PCCB: variants seen among roughly 807,000 people sequenced by gnomAD.
The protein encoded by PCCB is propionyl-CoA carboxylase beta chain, mitochondrial.
In PCCB, 43 loss-of-function variants were observed where a neutral mutation model predicts 60.7. The ratio of observed to expected loss-of-function variants is 0.71; its 90% CI spans 0.55 to 0.91. The LOEUF (loss-of-function observed/expected upper bound fraction) is 0.91. Among genes scored for constraint, PCCB ranks in the 40% least tolerant of loss-of-function variants. PCCB has a pLI of 0.00. For synonymous variants in PCCB, 276 were observed against 255.9 expected (o/e 1.08, Z -0.75); for missense variants, 766 against 702.8 (o/e 1.09, Z -1.02).
rs755896737 is a variant in PCCB at position 136,261,774 on chromosome 3, T to C, written c.430-178T>C. ...GGCTTTAATCAGCCTATTAAATATC[T>C]GGTCCTTTGTCTTCCATGAAGGTAC... On this transcript the variant is annotated intron_variant, in intron 4 of 14. Transcript: ENST00000251654. Among the ~76,000 whole-genome samples the C allele has an allele frequency of 7.2e-5, 11 of 152,344 alleles. No individual in the cohort carries two copies. In the South Asian group the frequency reaches 1.9e-3, roughly 26 times the overall value.
In PCCB at chr3:136,250,410, C is replaced by A. The variant is rs1257439275; in HGVS notation, c.35C>A (p.Ala12Glu). ...AAALRVAAVG[A>E]RLSVLASGLR... ...GCATTACGGGTGGCGGCGGTCGGGGCAAGGCTCAGCGTTCTGGCGAGCGGT... is the reference window on the plus strand; with the variant it reads ...GCATTACGGGTGGCGGCGGTCGGGGAAAGGCTCAGCGTTCTGGCGAGCGGT... The change falls in exon 1 of 15, where the codon GCA (alanine) becomes GAA (glutamate). Residue 12 changes from alanine to glutamate, a missense_variant. Transcript: ENST00000251654. 1.9e-6 allele frequency: 3 copies of A among 1,574,238 alleles called. No homozygotes were observed. The highest frequency in any genetic ancestry group is 2.6e-6 in the Non-Finnish European group (3 of 1,159,572).
At chr3:136,323,096 T>C (rs1935166945) in intron 10 of PCCB, among the ~76,000 whole-genome samples, 2 of 151,934 alleles carry the variant, frequency 1.3e-5, no homozygotes, top group South Asian at 4.2e-4. Context: ...TGTATTCTTC[T>C]TAGAGTTAGT....
intron 1 of PCCB, among the ~76,000 whole-genome samples, chr3:136,250,965 T>C (rs1178847576): frequency 1.3e-5 from 2 of 151,422 alleles, no homozygotes; most frequent in East Asian, 3.9e-4. Context: ...CATGAAAGAG[T>C]GATGGTAGGT....
At chr3:136,324,841 C>G (rs1009499697) in intron 10 of PCCB, among the ~76,000 whole-genome samples, 28 of 152,158 alleles carry the variant, frequency 1.8e-4, no homozygotes, top group Non-Finnish European at 2.5e-4. Context: ...TCCTCCAGAA[C>G]CAGGGAGGAA....
intron 1 of PCCB, among the ~76,000 whole-genome samples, chr3:136,253,094 T>TG (rs1284876378): frequency 3.5e-5 from 5 of 141,150 alleles, no homozygotes; most frequent in African/African-American, 5.3e-5. Context: ...TTTTTTTTTT[T>TG]TTTTTTTTTT....
intron 9 of PCCB, among the ~76,000 whole-genome samples, chr3:136,312,586 C>T (rs1462153155): frequency 2.0e-5 from 3 of 152,166 alleles, no homozygotes; most frequent in African/African-American, 2.4e-5. Context: ...TCATACTTTA[C>T]ACCATGTACA....
chr3:136,263,349 T>C (rs1270367240), intron 5 of PCCB, among the ~76,000 whole-genome samples: 3 of 148,260 alleles, frequency 2.0e-5, no homozygotes, highest in Non-Finnish European at 4.5e-5. Flanking sequence ...CACTGCAACC[T>C]CAGCCTCCTG....
intron 10 of PCCB, among the ~76,000 whole-genome samples, chr3:136,317,418 G>C (rs1203261542): frequency 2.0e-5 from 3 of 151,286 alleles, no homozygotes; most frequent in Non-Finnish European, 4.4e-5. Context: ...TGGTAGAGAT[G>C]GGGTTTTGCC....
At chr3:136,279,052 GTC>G (rs1393686676) in intron 5 of PCCB, among the ~76,000 whole-genome samples, 2 of 152,092 alleles carry the variant, frequency 1.3e-5, no homozygotes, top group Non-Finnish European at 2.9e-5. Flanking sequence ...TTATCAATAT[GTC>G]TCTCTAGTAA....
chr3:136,297,239 A>G lies in PCCB; in HGVS notation c.764-713A>G, dbSNP rs574992757. On this transcript the variant is annotated intron_variant, in intron 7 of 14. Coordinates refer to ENST00000251654, the MANE Select transcript of PCCB (RefSeq NM_000532.5). ...GCCCGATCAGTGAACAAGGAGGATC[A>G]TTGGAGTAGAGACATGACACGATCT... is the stretch of plus-strand genomic sequence containing the variant. 3.9e-5 allele frequency among the ~76,000 whole-genome samples: 6 copies of G among 152,280 alleles called. No homozygotes were observed. The East Asian group carries it at 1.2e-3, about 29-fold the overall frequency.
At position 136,318,561 on chromosome 3, in the gene PCCB, C is replaced by G. The variant is rs539559075; in HGVS notation, c.1090+1497C>G. On this transcript the variant is annotated intron_variant, in intron 10 of 14. Transcript: ENST00000251654. ...TGTTAAACAATAACTCACTATTTAT[C>G]TCAGCCTCCAGCCTTTGCTATTCTA... Among the ~76,000 whole-genome samples the G allele has an allele frequency of 3.3e-5, 5 of 152,344 alleles. No homozygotes were observed. The South Asian group carries it at 8.3e-4, about 25-fold the overall frequency.
At chr3:136,259,248 C>G in intron 3 of PCCB, 1 of 889,966 alleles carries the variant, frequency 1.1e-6, no homozygotes, top group Non-Finnish European at 1.5e-6. Flanking sequence ...GGGTAGATCA[C>G]TTGAGGCCAG....
In PCCB at chr3:136,301,037, C is replaced by G; in HGVS notation, c.892C>G (p.Leu298Val). Residue 298 changes from leucine to valine, a missense_variant, in exon 9 of 15, where the codon CTG (leucine) becomes GTG (valine). Coordinates refer to ENST00000251654, the MANE Select transcript of PCCB (RefSeq NM_000532.5). ...VRECHDPSDR[L>V]VPELDTIVPL... ...CCTTTTTTCTGCCTAAAGTGACCGT[C>G]TGGTTCCTGAGCTTGACACAATTGT... 1 of 1,614,066 alleles carries G rather than the reference C, an allele frequency of 6.2e-7. No individual in the cohort carries two copies. Among genetic ancestry groups the G allele is most frequent in the African/African-American group, 1.3e-5 (1 of 75,036 alleles).
chr3:136,302,566 A>AT lies in PCCB; in HGVS notation c.966+1459dup, dbSNP rs1364190662. On this transcript the variant is annotated intron_variant, in intron 9 of 14. Transcript: ENST00000251654. Reference sequence around the variant, plus strand: ...TATTTTATTTATTTATTTTTATTTTATTTTATTATTATTATACTTTAAGTT... The same window carrying AT: ...TATTTTATTTATTTATTTTTATTTTATTTTTATTATTATTATACTTTAAGTT... Among the ~76,000 whole-genome samples the AT allele has an allele frequency of 3.5e-5, 4 of 115,618 alleles. 1 individual carries two copies. Among genetic ancestry groups the AT allele is most frequent in the Non-Finnish European group, 5.8e-5 (3 of 52,108 alleles). 75.8% of individuals were successfully genotyped at this position (115,618 alleles called of 152,430 possible). A position where few individuals can be genotyped will look rare whatever the true frequency, so the allele number is the denominator to read the frequency against.
chr3:136,327,815 G>A (rs1935383997), intron 13 of PCCB, 83 bp downstream of exon 13: 4 of 1,129,800 alleles, frequency 3.5e-6, no homozygotes, highest in African/African-American at 3.0e-5. Context: ...GGGAAATGTT[G>A]GAGAGAGGCC....
intron 5 of PCCB, among the ~76,000 whole-genome samples, chr3:136,283,307 C>G (rs1405446423): frequency 6.6e-6 from 1 of 152,174 alleles, no homozygotes; most frequent in Non-Finnish European, 1.5e-5. Context: ...CTACCGCCTT[C>G]TCTCCTGCAT....
At chr3:136,277,057 G>A (rs2108171893) in intron 5 of PCCB, among the ~76,000 whole-genome samples, 1 of 152,294 alleles carries the variant, frequency 6.6e-6, no homozygotes, top group Non-Finnish European at 1.5e-5. Flanking sequence ...TCCGGTAATG[G>A]GACCTGTCCT....
At position 136,299,510 on chromosome 3, in the gene PCCB, GTATGCATGTGTATGTATGTA is replaced by G. The variant is rs1451282019; in HGVS notation, c.884+1452_884+1471del. Reference sequence around the variant, plus strand: ...TATGTATATGCATGTGTATGTATAGGTATGCATGTGTATGTATGTATATGCATGTGTATAGGTATGCATGT... The same window carrying G: ...TATGTATATGCATGTGTATGTATAGGTATGCATGTGTATAGGTATGCATGT... On this transcript the variant is annotated intron_variant, in intron 8 of 14. Coordinates refer to ENST00000251654, the MANE Select transcript of PCCB (RefSeq NM_000532.5). Among the ~76,000 whole-genome samples, 460 of 145,556 alleles carry G rather than the reference GTATGCATGTGTATGTATGTA, an allele frequency of 3.2e-3. 17 individuals are homozygous for G. The highest frequency in any genetic ancestry group is 0.012 in the African/African-American group (432 of 37,532).
At chr3:136,256,795 G>A (rs1322509334) in intron 3 of PCCB, among the ~76,000 whole-genome samples, 172 bp downstream of exon 3, 3 of 152,208 alleles carry the variant, frequency 2.0e-5, no homozygotes, top group African/African-American at 7.2e-5. Context: ...TTTTTACTTA[G>A]GAAGAGTCCT....
Sources: allele counts gnomAD v4.1 joint callset (sites outside exome capture counted in the v4.1 genomes callset), GRCh38; gene constraint gnomAD v4.1.1; transcripts MANE v1.5; gene names NCBI Gene and HGNC (gene_info 2026-07-23, HGNC 2026-07-21).